SPINK5: variants seen among roughly 807,000 people sequenced by gnomAD.
The protein encoded by SPINK5 is serine peptidase inhibitor Kazal type 5.
SPINK5 carries 125 observed loss-of-function variants against 151.8 expected under a neutral mutation model. That is an observed-to-expected ratio of 0.82 (90% CI 0.71 to 0.96). The LOEUF is 0.96. Ranked by LOEUF, SPINK5 falls within the 40% of genes least tolerant of loss-of-function variation. The pLI is 0.00. For synonymous variants in SPINK5, 374 were observed against 395.3 expected, an observed-to-expected ratio of 0.95 and a Z score of 0.64; for missense variants, 1,194 against 1,291.9, an observed-to-expected ratio of 0.92 and a Z score of 1.16.
chr5:148,074,502 CTG>C (rs1491369935), intron 4 of SPINK5, among the ~76,000 whole-genome samples: 5 of 151,720 alleles, frequency 3.3e-5, no homozygotes, highest in Non-Finnish European at 7.4e-5. Flanking sequence ...TCACACGAGT[CTG>C]TGTGTTTCTG....
intron 2 of SPINK5, among the ~76,000 whole-genome samples, chr5:148,065,718 A>G (rs141907552): frequency 5.3e-5 from 8 of 152,348 alleles, no homozygotes; most frequent in African/African-American, 7.2e-5. Context: ...TACACCACAT[A>G]GGAAGCTGAA....
intron 4 of SPINK5, among the ~76,000 whole-genome samples, chr5:148,074,907 T>A (rs2127195228): frequency 1.3e-5 from 2 of 151,892 alleles, no homozygotes; most frequent in East Asian, 3.9e-4. Context: ...TATATTTTGT[T>A]TTTTATTGTG....
intron 16 of SPINK5, among the ~76,000 whole-genome samples, chr5:148,105,868 C>G (rs1753769618): frequency 1.3e-5 from 2 of 150,988 alleles, no homozygotes; most frequent in South Asian, 4.2e-4. Context: ...AAGTGATTCA[C>G]TCACCTTGGC....
At chr5:148,131,861 G>A (rs1754582039) in intron 31 of SPINK5, among the ~76,000 whole-genome samples, 1 of 152,098 alleles carries the variant, frequency 6.6e-6, no homozygotes, top group Admixed American at 6.6e-5. Context: ...CTTGCAAAAG[G>A]AAAGTGCACT....
At chr5:148,122,016 G>A (rs1422854702) in intron 26 of SPINK5, among the ~76,000 whole-genome samples, 1 of 151,746 alleles carries the variant, frequency 6.6e-6, no homozygotes, top group African/African-American at 2.4e-5. Context: ...GTGTGTGTGT[G>A]TGTGTGTGTC....
intron 32 of SPINK5, among the ~76,000 whole-genome samples, chr5:148,135,619 C>T (rs1754678352): frequency 6.6e-6 from 1 of 152,142 alleles, no homozygotes; most frequent in Non-Finnish European, 1.5e-5. Context: ...ACAGGTGGAA[C>T]TTCAGTCCCT....
rs1048988867 is a variant in SPINK5, at chr5:148,107,165, G to T, written c.1607+1G>T. 2.5e-6 allele frequency: 4 copies of T among 1,611,632 alleles called. No homozygotes were observed. Among genetic ancestry groups the T allele is most frequent in the Admixed American group, 1.7e-5 (1 of 59,906 alleles). ...AGTGTGCCATGTGTGCCAGTGTGTT[G>T]TGAGTGTCCACCCCATCTCTCCCAC... On this transcript the variant is annotated splice_donor_variant, in intron 17 of 32. Coordinates refer to ENST00000256084, the MANE Select transcript of SPINK5 (RefSeq NM_006846.4). LOFTEE classifies it high-confidence loss of function.
intron 4 of SPINK5, among the ~76,000 whole-genome samples, chr5:148,072,648 C>A (rs1017222): frequency 0.71 from 108,354 of 151,814 alleles, 39,295 homozygotes; most frequent in East Asian, 0.91. Flanking sequence ...AGTTTTAGAC[C>A]GAATAGAAAC....
At chr5:148,091,785 C>G (rs1288772125) in intron 8 of SPINK5, among the ~76,000 whole-genome samples, 2 of 143,682 alleles carry the variant, frequency 1.4e-5, no homozygotes, top group African/African-American at 5.2e-5. Context: ...AAAAAAAAGA[C>G]AAATTTTTAG....
intron 2 of SPINK5, among the ~76,000 whole-genome samples, chr5:148,067,624 T>TA (rs1752619892): frequency 6.6e-6 from 1 of 152,200 alleles, no homozygotes; most frequent in African/African-American, 2.4e-5. Flanking sequence ...AATCTCATCT[T>TA]AACTAATTAA....
intron 2 of SPINK5, among the ~76,000 whole-genome samples, chr5:148,068,550 T>C (rs1581047243): frequency 1.2e-5 from 1 of 85,644 alleles, no homozygotes; most frequent in Non-Finnish European, 2.0e-5. Flanking sequence ...AGACCCTGCC[T>C]CTCCAAAAAA....
chr5:148,102,533 A>T (rs887894478), intron 15 of SPINK5, among the ~76,000 whole-genome samples: 4 of 152,150 alleles, frequency 2.6e-5, no homozygotes, highest in Admixed American at 6.6e-5. Context: ...AACACAATTT[A>T]AAAAAGTGAG....
intron 11 of SPINK5, 132 bp from the exon 12 acceptor site, chr5:148,099,102 T>C (rs1753559188): frequency 4.2e-6 from 3 of 720,978 alleles, no homozygotes; most frequent in South Asian, 3.4e-5. Context: ...TTGCTTCTCA[T>C]TGATATGCAG....
chr5:148,087,031 A>T (rs1024450619), intron 5 of SPINK5, among the ~76,000 whole-genome samples: 6 of 151,434 alleles, frequency 4.0e-5, no homozygotes, highest in Admixed American at 2.6e-4. Context: ...CTATCTATCC[A>T]TCATCTATTA....
chr5:148,071,501 C>G (rs1230360595), intron 3 of SPINK5, among the ~76,000 whole-genome samples: 2 of 151,922 alleles, frequency 1.3e-5, no homozygotes, highest in African/African-American at 4.8e-5. Flanking sequence ...ATAAAATTTT[C>G]TTCTTGTTTC....
rs1047208711 is a variant in SPINK5, at chr5:148,100,506, C to T, written c.1145C>T (p.Thr382Ile). ...KLVRNGKLAC[T>I]RENDPIQGPD... ...GTGAGGAACGGAAAACTTGCTTGCA[C>T]CAGAGAGAACGATCCTATCCAGGGC... The change falls in exon 13 of 33, where the codon ACC (threonine) becomes ATC (isoleucine). Residue 382 changes from threonine (T) to isoleucine (I), a missense_variant. By Grantham distance (89) the Thr-to-Ile change is moderately conservative. Coordinates refer to ENST00000256084, the MANE Select transcript of SPINK5 (RefSeq NM_006846.4). 1 of 1,613,130 alleles carries T rather than the reference C, an allele frequency of 6.2e-7. No individual in the cohort carries two copies. Among genetic ancestry groups the T allele is most frequent in the Non-Finnish European group, 8.5e-7 (1 of 1,179,350 alleles).
intron 19 of SPINK5, 44 bp downstream of exon 19, chr5:148,111,939 A>G (rs1272652846): frequency 1.9e-6 from 3 of 1,613,646 alleles, no homozygotes; most frequent in Non-Finnish European, 2.5e-6. Flanking sequence ...GTGGGAGAAG[A>G]TCAGCATCGG....
In SPINK5 at chr5:148,123,414, T is replaced by TATAGATAGATATTATCTATCTATCTA. The variant is rs751370176; in HGVS notation, c.2539-419_2539-418insATAGATAGATATTATCTATCTATCTA. Among the ~76,000 whole-genome samples, 17 of 134,942 alleles carry TATAGATAGATATTATCTATCTATCTA rather than the reference T, an allele frequency of 1.3e-4. No homozygotes were observed. The South Asian group carries it at 2.3e-3, about 18-fold the overall frequency. The allele number at this position is 134,942 out of a possible 152,430, so 88.5% of individuals were successfully genotyped here. ...TATATATATAGATAGATATAATATA[T>TATAGATAGATATTATCTATCTATCTA]TATATATATAGATATATATTATCTA... On this transcript the variant is annotated intron_variant, in intron 26 of 32. Coordinates refer to ENST00000256084, the MANE Select transcript of SPINK5 (RefSeq NM_006846.4).
rs1753450067 is a variant in SPINK5, at chr5:148,096,020, AC to A, written c.882+116del. 7.3e-6 allele frequency: 6 copies of A among 819,480 alleles called. No individual in the cohort carries two copies. The African/African-American group carries it at 1.5e-4, about 20-fold the overall frequency. The allele number at this position is 819,480 out of a possible 1,614,324, so 50.8% of individuals were successfully genotyped here. ...TTCAATATTGTTTAATATTTTCCAC[AC>A]TACTAGTAGGTTTGCTGGAAACTAA... On this transcript the variant is annotated intron_variant, in intron 10 of 32. Coordinates refer to ENST00000256084, the MANE Select transcript of SPINK5 (RefSeq NM_006846.4).
Sources: allele counts gnomAD v4.1 joint callset (sites outside exome capture counted in the v4.1 genomes callset), GRCh38; gene constraint gnomAD v4.1.1; transcripts MANE v1.5; gene names NCBI Gene and HGNC (gene_info 2026-07-23, HGNC 2026-07-21).